The following BLTP1 variants were observed in gnomAD, a reference collection of about 807,000 sequenced individuals.
BLTP1 encodes bridge-like lipid transfer protein family member 1, also known as fragile site-associated protein.
At chr4:122,229,293 C>A in the BLTP1 span, 1 of 1,357,170 alleles carries the variant, frequency 7.4e-7, no homozygotes, top group South Asian at 1.5e-5. Flanking sequence ...CTAAACCAAA[C>A]CTCTATTTCT....
At chr4:122,284,569 C>T in the BLTP1 span, among the ~76,000 whole-genome samples, 1 of 151,964 alleles carries the variant, frequency 6.6e-6, no homozygotes, top group Non-Finnish European at 1.5e-5. Flanking sequence ...CAGACATGTA[C>T]ATATTTATGT....
chr4:122,351,512 C>G, the BLTP1 span, among the ~76,000 whole-genome samples: 1 of 152,130 alleles, frequency 6.6e-6, no homozygotes, highest in Non-Finnish European at 1.5e-5. Flanking sequence ...ATGGTTTTGT[C>G]CAAACCAGTT....
the BLTP1 span, chr4:122,264,082 T>G: frequency 1.1e-6 from 1 of 917,508 alleles, no homozygotes; most frequent in Non-Finnish European, 1.3e-6. Context: ...CACTAATAAA[T>G]CATGTCTGTA....
chr4:122,263,302 A>G, the BLTP1 span: 2 of 1,411,598 alleles, frequency 1.4e-6, no homozygotes, highest in South Asian at 3.4e-5. Context: ...ATATCCAAAT[A>G]CCAACATTAT....
the BLTP1 span, among the ~76,000 whole-genome samples, chr4:122,321,407 C>G: frequency 1.3e-5 from 2 of 151,958 alleles, no homozygotes; most frequent in African/African-American, 4.8e-5. Context: ...TACATAAATG[C>G]GTGTGCACAT....
At chr4:122,226,912 A>C in the BLTP1 span, 1 of 1,133,486 alleles carries the variant, frequency 8.8e-7, no homozygotes, top group Non-Finnish European at 1.2e-6. Flanking sequence ...TATCAGCTTC[A>C]AGTCAAATAC....
At chr4:122,155,230 A>G in the BLTP1 span, among the ~76,000 whole-genome samples, 4,337 of 151,898 alleles carry the variant, frequency 0.029, 140 homozygotes, top group African/African-American at 0.081. Context: ...AGCATTACTC[A>G]TATAGTAAGA....
chr4:122,354,553 G>A, the BLTP1 span, among the ~76,000 whole-genome samples: 1 of 151,388 alleles, frequency 6.6e-6, no homozygotes, highest in Non-Finnish European at 1.5e-5. Context: ...GGTGCTTTTG[G>A]GATTTGGGTT....
the BLTP1 span, chr4:122,250,209 C>A: frequency 2.5e-6 from 1 of 400,472 alleles, no homozygotes; most frequent in Non-Finnish European, 3.4e-6. Context: ...AATTATTTAC[C>A]TGATAATTCA....
At chr4:122,271,954 C>A in the BLTP1 span, among the ~76,000 whole-genome samples, 3 of 151,962 alleles carry the variant, frequency 2.0e-5, no homozygotes, top group African/African-American at 4.8e-5. Flanking sequence ...TTTAGACAGA[C>A]CTGATTTAAA....
At chr4:122,301,908 G>GA in the BLTP1 span, among the ~76,000 whole-genome samples, 1 of 151,748 alleles carries the variant, frequency 6.6e-6, no homozygotes, top group African/African-American at 2.4e-5. Flanking sequence ...CAAAAAATTT[G>GA]AAAAAACAAA....
chr4:122,224,674 A>G, the BLTP1 span: 3 of 1,614,034 alleles, frequency 1.9e-6, no homozygotes, highest in African/African-American at 1.3e-5. Context: ...TCACAGCACC[A>G]CAGGTATGGT....
the BLTP1 span, chr4:122,272,457 A>G: frequency 1.5e-5 from 21 of 1,422,972 alleles, no homozygotes; most frequent in Non-Finnish European, 2.0e-5. Flanking sequence ...AATTAGTGCT[A>G]CTTCTCTGAA....
the BLTP1 span, among the ~76,000 whole-genome samples, chr4:122,239,229 A>C: frequency 6.6e-6 from 1 of 152,138 alleles, no homozygotes; most frequent in African/African-American, 2.4e-5. Flanking sequence ...AAAAACCTTT[A>C]TAAGTGCATT....
At chr4:122,323,329 T>C in the BLTP1 span, among the ~76,000 whole-genome samples, 2 of 152,010 alleles carry the variant, frequency 1.3e-5, no homozygotes, top group Non-Finnish European at 2.9e-5. Flanking sequence ...TAGGATGGAA[T>C]GGTGACTTCC....
the BLTP1 span, chr4:122,305,765 T>A: frequency 1.5e-6 from 2 of 1,360,384 alleles, no homozygotes; most frequent in Non-Finnish European, 1.9e-6. Flanking sequence ...CAGCTGAATT[T>A]GAGAAAAATG....
chr4:122,198,503 T>C, the BLTP1 span: 4 of 923,412 alleles, frequency 4.3e-6, no homozygotes, highest in Non-Finnish European at 5.2e-6. Flanking sequence ...ACATAGGAAA[T>C]AGTATTTTTA....
the BLTP1 span, chr4:122,179,794 A>G: frequency 1.0e-6 from 1 of 959,886 alleles, no homozygotes; most frequent in Non-Finnish European, 1.2e-6. Context: ...ACAGCCACAC[A>G]TTGCATGCCC....
the BLTP1 span, chr4:122,269,189 C>A: frequency 1.4e-5 from 6 of 443,306 alleles, no homozygotes; most frequent in African/African-American, 8.6e-5. Flanking sequence ...TATATGTATA[C>A]ATACAGTCTA....
Sources: gnomAD v4.1 joint callset for allele counts (sites outside exome capture counted in the v4.1 genomes callset) on GRCh38, gnomAD v4.1.1 for gene constraint, MANE v1.5 for transcripts, NCBI Gene and HGNC (gene_info 2026-07-23, HGNC 2026-07-21) for gene names.